Variants in UCK2 observed in about 807,000 individuals in gnomAD.
UCK2 encodes uridine-cytidine kinase 2, also known as cytidine monophosphokinase 2.
Under a neutral mutation model 30.8 loss-of-function variants are expected in UCK2, and 6 were observed. The ratio of observed to expected loss-of-function variants is 0.19; its 90% CI spans 0.11 to 0.38. The LOEUF is 0.38. Among genes scored for constraint, UCK2 ranks in the 10% least tolerant of loss-of-function variants. The probability of loss-of-function intolerance (pLI) is 1.00; values close to 1 mark genes in which losing one functional copy is unlikely to be tolerated. For synonymous variants in UCK2, 125 were observed against 133.6 expected, an observed-to-expected ratio of 0.94 and a Z score of 0.45; for missense variants, 210 against 339.8, an observed-to-expected ratio of 0.62 and a Z score of 3.00.
chr1:165,889,232 G>A (rs59910558), intron 1 of UCK2, among the ~76,000 whole-genome samples: 2,053 of 152,334 alleles, frequency 0.013, 48 homozygotes, highest in African/African-American at 0.042. Context: ...CATGGCTGTG[G>A]ACTGGAGCAA....
At chr1:165,839,851 C>T (rs6686237) in intron 1 of UCK2, among the ~76,000 whole-genome samples, 23 of 152,154 alleles carry the variant, frequency 1.5e-4, no homozygotes, top group Admixed American at 3.9e-4. Flanking sequence ...TGCAGTGGGC[C>T]GGTCACTTGC....
At chr1:165,898,822 C>G (rs2101885892) in intron 4 of UCK2, among the ~76,000 whole-genome samples, 1 of 152,316 alleles carries the variant, frequency 6.6e-6, no homozygotes, top group South Asian at 2.1e-4. Flanking sequence ...TTAGGGCCAG[C>G]TCTGCCTCTC....
At chr1:165,851,045 T>TGA (rs921600850) in intron 1 of UCK2, among the ~76,000 whole-genome samples, 1 of 150,380 alleles carries the variant, frequency 6.6e-6, no homozygotes, top group African/African-American at 2.5e-5. Flanking sequence ...ATTACAGGTG[T>TGA]GAGCCAGTGC....
intron 1 of UCK2, among the ~76,000 whole-genome samples, chr1:165,880,582 T>G (rs879273919): frequency 0.19 from 7,791 of 40,072 alleles, 253 homozygotes; most frequent in Non-Finnish European, 0.24. Flanking sequence ...TGTGTGTGTG[T>G]GTGTGTGTGT....
chr1:165,871,086 G>A (rs1655185309), intron 1 of UCK2, among the ~76,000 whole-genome samples: 1 of 152,168 alleles, frequency 6.6e-6, no homozygotes, highest in African/African-American at 2.4e-5. Context: ...AAAGTGCTGG[G>A]ATTACAGGGG....
At chr1:165,827,968 C>A (rs1353435712) in intron 1 of UCK2, 36 bp downstream of exon 1, 4 of 1,284,734 alleles carry the variant, frequency 3.1e-6, no homozygotes, top group Non-Finnish European at 4.0e-6. Context: ...CCCTTCCCGG[C>A]TTCTGTCCCT....
intron 1 of UCK2, among the ~76,000 whole-genome samples, chr1:165,866,822 C>T (rs1655057228): frequency 6.6e-6 from 1 of 152,144 alleles, no homozygotes; most frequent in Non-Finnish European, 1.5e-5. Flanking sequence ...ACTCATCGTA[C>T]TGTATTGTAT....
intron 1 of UCK2, among the ~76,000 whole-genome samples, chr1:165,861,431 A>G (rs1191363947): frequency 7.2e-5 from 11 of 151,810 alleles, no homozygotes; most frequent in Admixed American, 5.9e-4. Flanking sequence ...CATCGAGACC[A>G]TCCCGGCTAA....
intron 1 of UCK2, among the ~76,000 whole-genome samples, chr1:165,841,109 G>GTATATATATATATATATA (rs1427958973): frequency 4.3e-5 from 2 of 46,472 alleles, no homozygotes; most frequent in Non-Finnish European, 1.3e-4. Context: ...GTGTGTGTGT[G>GTATATATATATATATATA]TGTATATATA....
At chr1:165,859,940 C>T (rs1012496952) in intron 1 of UCK2, among the ~76,000 whole-genome samples, 6 of 152,202 alleles carry the variant, frequency 3.9e-5, no homozygotes, top group African/African-American at 9.6e-5. Flanking sequence ...GCAGGCCTCC[C>T]GTTCCACTGC....
intron 1 of UCK2, among the ~76,000 whole-genome samples, chr1:165,886,616 A>G (rs1358411688): frequency 6.6e-6 from 1 of 152,212 alleles, no homozygotes; most frequent in Non-Finnish European, 1.5e-5. Flanking sequence ...AAGGAACAAG[A>G]TGACACCTCA....
intron 1 of UCK2, among the ~76,000 whole-genome samples, chr1:165,880,566 GGTGTGT>G (rs869079437): frequency 0.039 from 755 of 19,334 alleles, 10 homozygotes; most frequent in African/African-American, 0.12. Context: ...TTTTTTTGGG[GGTGTGT>G]GTGTGTGTGT....
chr1:165,841,132 T>C (rs978285111), intron 1 of UCK2, among the ~76,000 whole-genome samples: 1 of 137,892 alleles, frequency 7.3e-6, no homozygotes, highest in Non-Finnish European at 1.6e-5. Flanking sequence ...TATATATATA[T>C]AAAATGAATA....
chr1:165,881,182 T>TAAAAAAAAAAAAAAAAAAAAAAAAA (rs56886913), intron 1 of UCK2, among the ~76,000 whole-genome samples: 1 of 92,852 alleles, frequency 1.1e-5, no homozygotes, highest in Non-Finnish European at 2.0e-5. Context: ...CAATAAAACT[T>TAAAAAAAAAAAAAAAAAAAAAAAAA]AAAAAAAAAA....
chr1:165,900,190 A>G (rs12750131), intron 4 of UCK2: 3 of 151,842 alleles, frequency 2.0e-5, no homozygotes, highest in Non-Finnish European at 4.4e-5. Context: ...CCGCGCTCCC[A>G]CGGTGTTGAG....
rs191172051 is a variant in UCK2, at chr1:165,855,262, A to G, written c.99+27330A>G. Among the ~76,000 whole-genome samples, 108 of 152,320 alleles carry G rather than the reference A, an allele frequency of 7.1e-4. No homozygotes were observed. The East Asian group carries it at 0.013, about 19-fold the overall frequency. On this transcript the variant is annotated intron_variant, in intron 1 of 6. Coordinates refer to ENST00000367879, the MANE Select transcript of UCK2 (RefSeq NM_012474.5). ...TATGTGAAGGGGAGTTATATAATGT[A>G]TTAGGCTTTCTTAATTCATTCCACA...
chr1:165,896,078 C>T, intron 3 of UCK2, 112 bp from the exon 4 acceptor site: 2 of 1,394,156 alleles, frequency 1.4e-6, no homozygotes, highest in African/African-American at 1.4e-5. Flanking sequence ...CGCTTGAAGT[C>T]TGTGGGGGCA....
chr1:165,893,549 T>C (rs1655820792), intron 3 of UCK2, among the ~76,000 whole-genome samples: 1 of 152,242 alleles, frequency 6.6e-6, no homozygotes, highest in African/African-American at 2.4e-5. Context: ...AGAAGACATT[T>C]ACTTGTTGCA....
chr1:165,859,108 G>T (rs1654825145), intron 1 of UCK2, among the ~76,000 whole-genome samples: 1 of 152,100 alleles, frequency 6.6e-6, no homozygotes, highest in African/African-American at 2.4e-5. Context: ...GGGAATGGAG[G>T]ACTGTAATTA....
Sources: allele counts gnomAD v4.1 joint callset (sites outside exome capture counted in the v4.1 genomes callset), GRCh38; gene constraint gnomAD v4.1.1; transcripts MANE v1.5; gene names NCBI Gene and HGNC (gene_info 2026-07-23, HGNC 2026-07-21).